LVRN: variants seen among roughly 807,000 people sequenced by gnomAD.
The protein encoded by LVRN is laeverin.
Under a neutral mutation model 111.4 loss-of-function variants are expected in LVRN, and 99 were observed. That is an observed-to-expected ratio of 0.89 (90% CI 0.76 to 1.05). The LOEUF (loss-of-function observed/expected upper bound fraction) is 1.05. Ranked by LOEUF, LVRN falls within the 50% of genes least tolerant of loss-of-function variation. The pLI is 0.00. For missense variants in LVRN, 1,414 were observed against 1,206.8 expected, an observed-to-expected ratio of 1.17 and a Z score of -2.54; for synonymous variants, 488 against 449.5, an observed-to-expected ratio of 1.09 and a Z score of -1.08.
chr5:115,963,399 G>C (rs955986779), intron 1 of LVRN, 87 bp downstream of exon 1: 14 of 1,078,442 alleles, frequency 1.3e-5, no homozygotes, highest in African/African-American at 1.6e-5. Flanking sequence ...ACCGTGTCCA[G>C]GTGCGCGTCT....
At chr5:115,999,711 G>C (rs766873843) in intron 6 of LVRN, 51 bp from the exon 7 acceptor site, 1 of 1,583,782 alleles carries the variant, frequency 6.3e-7, no homozygotes, top group Admixed American at 1.9e-5. Flanking sequence ...TAGAATTTTG[G>C]TCTTCTGTGA....
intron 1 of LVRN, among the ~76,000 whole-genome samples, chr5:115,972,219 T>C (rs975169508): frequency 6.6e-6 from 1 of 152,054 alleles, no homozygotes; most frequent in Non-Finnish European, 1.5e-5. Context: ...TGAAAGACAC[T>C]GTTAAAAGAA....
At chr5:115,969,239 C>T (rs1006356372) in intron 1 of LVRN, among the ~76,000 whole-genome samples, 34 of 152,136 alleles carry the variant, frequency 2.2e-4, no homozygotes. Flanking sequence ...GTTTTCTTCA[C>T]ATTTGGAAAA....
chr5:115,984,591 T>C lies in LVRN; in HGVS notation c.860T>C (p.Val287Ala). 6.2e-7 allele frequency: 1 copy of C among 1,613,474 alleles called. No individual in the cohort carries two copies. The highest frequency in any genetic ancestry group is 8.5e-7 in the Non-Finnish European group (1 of 1,179,662). ...PKLGQSEKED[V>A]NGSKWTVTTF... ...CTAGGTCAGTCTGAAAAAGAAGATG[T>C]GAATGGAAGCAAATGGACTGTTACA... The change falls in exon 3 of 20, where the codon GTG becomes GCG. Residue 287 changes from valine (V) to alanine (A), a missense_variant. Val to Ala is a moderately conservative substitution (Grantham distance 64, BLOSUM62 0). Transcript: ENST00000357872.
At chr5:115,996,279 T>G (rs10519438) in intron 6 of LVRN, among the ~76,000 whole-genome samples, 1 of 152,182 alleles carries the variant, frequency 6.6e-6, no homozygotes, top group African/African-American at 2.4e-5. Context: ...ATGGTTATTA[T>G]CAATATCTTG....
At position 115,969,585 on chromosome 5, in the gene LVRN, C is replaced by T. The variant is rs368672161; in HGVS notation, c.695+6273C>T. Among the ~76,000 whole-genome samples, 26 of 152,056 alleles carry T rather than the reference C, an allele frequency of 1.7e-4. No individual in the cohort carries two copies. In the South Asian group the frequency reaches 2.3e-3, roughly 13 times the overall value. ...GGCCGAGGCAGGTGGATCACGAGGT[C>T]AGGAGATCAAGACCATCCTGGCTAA... On this transcript the variant is annotated intron_variant, in intron 1 of 19. Coordinates refer to ENST00000357872, the MANE Select transcript of LVRN (RefSeq NM_173800.5).
At position 115,963,121 on chromosome 5, in the gene LVRN, C is replaced by A; in HGVS notation, c.504C>A (p.Asn168Lys). ...GACCCCTTTCCCCGGGCACTGGGAA[C>A]GCCACAGTGGGCCGCGTGCCCGTGG... ...VRGPLSPGTG[N>K]ATVGRVPVDD... Residue 168 changes from asparagine (N) to lysine (K), a missense_variant, in exon 1 of 20, where the codon AAC becomes AAA. Transcript: ENST00000357872. 1 of 1,613,564 alleles carries A rather than the reference C, an allele frequency of 6.2e-7. No homozygotes were observed.
intron 1 of LVRN, among the ~76,000 whole-genome samples, chr5:115,967,620 T>C (rs1271796311): frequency 6.6e-6 from 1 of 152,174 alleles, no homozygotes; most frequent in African/African-American, 2.4e-5. Context: ...GATATTCTTA[T>C]ATATAGCTAC....
intron 18 of LVRN, chr5:116,021,135 T>G (rs1748720267): frequency 6.6e-6 from 1 of 152,178 alleles, no homozygotes; most frequent in Admixed American, 6.5e-5. Context: ...ATTTTCTCAT[T>G]TATGCACCAG....
intron 13 of LVRN, among the ~76,000 whole-genome samples, chr5:116,007,706 C>G (rs1350947474): frequency 6.6e-6 from 1 of 152,172 alleles, no homozygotes. Flanking sequence ...TAAGACTTCA[C>G]AGATATTGCA....
At chr5:116,003,048 A>G (rs1465006973) in intron 11 of LVRN, 137 bp downstream of exon 11, 1 of 938,280 alleles carries the variant, frequency 1.1e-6, no homozygotes, top group Non-Finnish European at 1.6e-6. Context: ...TAGAGTTTTA[A>G]AGAAAAGTGT....
At chr5:116,017,119 A>G (rs1032701118) in intron 18 of LVRN, among the ~76,000 whole-genome samples, 26 of 152,202 alleles carry the variant, frequency 1.7e-4, no homozygotes, top group African/African-American at 5.5e-4. Flanking sequence ...GAACAAGCAC[A>G]GTTGCAAATC....
chr5:115,993,015 C>G (rs115878366), intron 5 of LVRN, among the ~76,000 whole-genome samples: 3,399 of 152,256 alleles, frequency 0.022, 137 homozygotes, highest in African/African-American at 0.077. Context: ...AACACAATCA[C>G]AAGTTTTATT....
intron 5 of LVRN, among the ~76,000 whole-genome samples, chr5:115,992,581 T>G (rs958033101): frequency 1.3e-5 from 2 of 152,166 alleles, no homozygotes; most frequent in Admixed American, 6.6e-5. Flanking sequence ...CACAGGAGTA[T>G]TTTATTTTCA....
At chr5:115,965,687 T>A (rs12153672) in intron 1 of LVRN, among the ~76,000 whole-genome samples, 29,544 of 151,954 alleles carry the variant, frequency 0.19, 3,546 homozygotes, top group East Asian at 0.5. Flanking sequence ...GTTCTCCTGA[T>A]AGTGAGTGAA....
chr5:116,001,225 T>G lies in LVRN; in HGVS notation c.1806T>G (p.Thr602=), dbSNP rs1441503987. Residue 602 remains threonine (T), a synonymous_variant, in exon 10 of 20, where the codon ACT becomes ACG. Transcript: ENST00000357872. The part of the protein sequence containing the change: ...PFYLENIKNR[T]LLTSNDTWIV... ...ATCTTGAAAACATTAAAAATCGGAC[T>G]CTTCTAACCAGCAAGTAGGTAGCTT... The G allele has an allele frequency of 6.2e-7, 1 of 1,613,464 alleles. No homozygotes were observed. Among genetic ancestry groups the G allele is most frequent in the Admixed American group, 1.7e-5 (1 of 59,794 alleles).
Position 116,027,535 on chromosome 5 carries a change from T to C in LVRN, c.*1417T>C, listed in dbSNP as rs932145989. 1 of 152,224 alleles carries C rather than the reference T, an allele frequency of 6.6e-6. No individual in the cohort carries two copies. Among genetic ancestry groups the C allele is most frequent in the African/African-American group, 2.4e-5 (1 of 41,470 alleles). 9.4% of individuals were successfully genotyped at this position (152,224 alleles called of 1,614,324 possible). On this transcript the variant is annotated 3_prime_UTR_variant, in exon 20 of 20. Transcript: ENST00000357872. ...GCTACTCAGACTTGGCCACAGGTCA[T>C]AGGTCAGAGAATTTTTTCTTCAAAT...
At chr5:115,966,172 T>G (rs1251660664) in intron 1 of LVRN, among the ~76,000 whole-genome samples, 1 of 152,230 alleles carries the variant, frequency 6.6e-6, no homozygotes, top group Admixed American at 6.5e-5. Flanking sequence ...GATACAGAAC[T>G]GTTCCACCTT....
rs1449782432 is a variant in LVRN at position 116,009,643 on chromosome 5, G to A, written c.2094-1098G>A. On this transcript the variant is annotated intron_variant, in intron 13 of 19. Transcript: ENST00000357872. ...CAATCCTCATTGGTGACTTTAAGGG[G>A]TTAAGATTTCAGTAGAGGAAGTCAC... 2.0e-5 allele frequency among the ~76,000 whole-genome samples: 3 copies of A among 152,140 alleles called. No individual in the cohort carries two copies. The East Asian group carries it at 5.8e-4, about 29-fold the overall frequency.
Sources: gnomAD v4.1 joint callset for allele counts (sites outside exome capture counted in the v4.1 genomes callset) on GRCh38, gnomAD v4.1.1 for gene constraint, MANE v1.5 for transcripts, NCBI Gene and HGNC (gene_info 2026-07-23, HGNC 2026-07-21) for gene names.